Variants in LRRC49 observed in about 807,000 individuals in gnomAD.
LRRC49 encodes leucine rich repeat containing 49.
LRRC49 carries 50 observed loss-of-function variants against 83.3 expected under a neutral mutation model. The observed-to-expected ratio is 0.60, with a 90% CI of 0.48 to 0.76. The LOEUF (loss-of-function observed/expected upper bound fraction) is 0.76. Among genes scored for constraint, LRRC49 ranks in the 30% least tolerant of loss-of-function variants. The pLI, the probability that LRRC49 is intolerant of heterozygous loss-of-function variation, is 0.00. For missense variants in LRRC49, 704 were observed against 809.1 expected (o/e 0.87, Z 1.58); for synonymous variants, 286 against 283.3 (o/e 1.01, Z -0.10).
At chr15:70,882,595 C>T (rs2033291157) in intron 2 of LRRC49, 1 of 1,614,048 alleles carries the variant, frequency 6.2e-7, no homozygotes, top group Non-Finnish European at 8.5e-7. Context: ...ATTCCTCTGT[C>T]TGAGTAGTTG....
intron 8 of LRRC49, among the ~76,000 whole-genome samples, chr15:70,950,182 TACC>T (rs1318760039): frequency 6.6e-6 from 1 of 152,226 alleles, no homozygotes; most frequent in Non-Finnish European, 1.5e-5. Context: ...GGTGTATATG[TACC>T]ACATTTTCTT....
intron 9 of LRRC49, among the ~76,000 whole-genome samples, chr15:70,969,312 T>C (rs2036907867): frequency 6.6e-6 from 1 of 152,208 alleles, no homozygotes; most frequent in Non-Finnish European, 1.5e-5. Context: ...GCATTATTTC[T>C]GAGGGCTCTG....
chr15:71,038,065 G>A (rs2039579588), intron 15 of LRRC49, among the ~76,000 whole-genome samples: 1 of 152,098 alleles, frequency 6.6e-6, no homozygotes, highest in South Asian at 2.1e-4. Flanking sequence ...AGGGGCAAAA[G>A]AACAAGAAAG....
At chr15:71,016,470 C>T (rs1484839356) in intron 14 of LRRC49, among the ~76,000 whole-genome samples, 1 of 151,372 alleles carries the variant, frequency 6.6e-6, no homozygotes. Context: ...TAGAGAAATA[C>T]CAAAGTAAGG....
intron 13 of LRRC49, among the ~76,000 whole-genome samples, chr15:71,010,524 G>A (rs1202181617): frequency 6.6e-6 from 1 of 151,800 alleles, no homozygotes; most frequent in Non-Finnish European, 1.5e-5. Context: ...AAGAGAAAGT[G>A]AAAATAAGAG....
chr15:70,865,928 C>T (rs1248238909), intron 1 of LRRC49, among the ~76,000 whole-genome samples: 2 of 152,082 alleles, frequency 1.3e-5, no homozygotes, highest in East Asian at 3.9e-4. Context: ...TATTATGCAG[C>T]CACACTTGGT....
intron 1 of LRRC49, among the ~76,000 whole-genome samples, chr15:70,862,678 G>T (rs569183889): frequency 2.1e-4 from 32 of 151,146 alleles, no homozygotes; most frequent in African/African-American, 7.8e-4. Context: ...AGCTTTCAAA[G>T]CTCCCAAAAT....
rs34818331 is a variant in LRRC49, at chr15:70,942,033, A to ATGTGTGTG, written c.773+5245_773+5252dup. ...CTCCATTTTTATTACTGTAAAGGTT[A>ATGTGTGTG]TGTGTGTGTGTGTGTGTGTGTGTGT... On this transcript the variant is annotated intron_variant, in intron 8 of 15. Coordinates refer to ENST00000260382, the MANE Select transcript of LRRC49 (RefSeq NM_017691.5). Among the ~76,000 whole-genome samples the ATGTGTGTG allele has an allele frequency of 5.0e-3, 723 of 144,178 alleles. 6 individuals carry two copies. The highest frequency in any genetic ancestry group is 0.016 in the African/African-American group (604 of 38,774). 94.6% of individuals were successfully genotyped at this position (144,178 alleles called of 152,430 possible). A position where few individuals can be genotyped will look rare whatever the true frequency, so the allele number is the denominator to read the frequency against.
upstream of LRRC49, chr15:70,892,690 G>A (rs2033632576): frequency 6.9e-7 from 1 of 1,455,976 alleles, no homozygotes; most frequent in South Asian, 1.4e-5. Flanking sequence ...AAGTGGTGAC[G>A]CACTGGGCTC....
At chr15:71,020,425 A>G (rs2038958649) in intron 14 of LRRC49, among the ~76,000 whole-genome samples, 1 of 152,226 alleles carries the variant, frequency 6.6e-6, no homozygotes, top group Admixed American at 6.5e-5. Flanking sequence ...AGATAATGGC[A>G]AAAATTGTTC....
chr15:71,031,803 A>T (rs2039361234), intron 14 of LRRC49, among the ~76,000 whole-genome samples: 1 of 152,018 alleles, frequency 6.6e-6, no homozygotes, highest in Admixed American at 6.6e-5. Flanking sequence ...TCAGGGGAAA[A>T]CTGCCTACTA....
intron 14 of LRRC49, among the ~76,000 whole-genome samples, chr15:71,033,990 C>G (rs752298728): frequency 1.3e-5 from 2 of 152,026 alleles, no homozygotes; most frequent in African/African-American, 4.8e-5. Flanking sequence ...GATTTCATGA[C>G]GAAAACATCA....
chr15:70,979,467 T>G (rs575036498), intron 9 of LRRC49, among the ~76,000 whole-genome samples: 2 of 151,908 alleles, frequency 1.3e-5, no homozygotes, highest in Non-Finnish European at 2.9e-5. Flanking sequence ...TTTTTTTTTG[T>G]AGTTAGAACA....
intron 7 of LRRC49, among the ~76,000 whole-genome samples, chr15:70,935,885 A>G (rs1265501317): frequency 2.0e-5 from 3 of 152,016 alleles, no homozygotes; most frequent in African/African-American, 7.3e-5. Context: ...CCCTGTAGTA[A>G]CCTCGATTGG....
In LRRC49 at chr15:70,904,576, C is replaced by T. The variant is rs2034220927; in HGVS notation, c.321C>T (p.Ile107=). 6.2e-7 allele frequency: 1 copy of T among 1,613,372 alleles called. No individual in the cohort carries two copies. The highest frequency in any genetic ancestry group is 8.5e-7 in the Non-Finnish European group (1 of 1,179,426). Reference sequence around the variant, plus strand: ...GACAAAAGCTGACCGTATGTCCTATCATCAATGGGGAAGACCACCTTCGTT... The same window carrying T: ...GACAAAAGCTGACCGTATGTCCTATTATCAATGGGGAAGACCACCTTCGTT... The part of the protein sequence containing the change: ...LERQKLTVCP[I]INGEDHLRLL... The change falls in exon 5 of 16, where the codon ATC becomes ATT. Residue 107 remains isoleucine (I), a synonymous_variant. Coordinates refer to ENST00000260382, the MANE Select transcript of LRRC49 (RefSeq NM_017691.5).
intron 5 of LRRC49, chr15:70,908,128 T>C (rs2034396090): frequency 2.4e-6 from 1 of 412,036 alleles, no homozygotes; most frequent in South Asian, 1.7e-5. Flanking sequence ...TTTTTCTTCC[T>C]GTTCACCTGG....
chr15:71,007,179 T>C (rs970796099), intron 11 of LRRC49, among the ~76,000 whole-genome samples: 2 of 152,018 alleles, frequency 1.3e-5, no homozygotes, highest in Non-Finnish European at 2.9e-5. Context: ...CTGAAATAAG[T>C]ATGATAAACA....
In LRRC49 at chr15:70,894,498, A is replaced by C. The variant is rs1016450432; in HGVS notation, c.105+858A>C. 17 of 502,276 alleles carry C rather than the reference A, an allele frequency of 3.4e-5. No homozygotes were observed. The Admixed American group carries it at 6.4e-4, about 19-fold the overall frequency. The allele number at this position is 502,276 out of a possible 1,614,324, so 31.1% of individuals were successfully genotyped here. A position where few individuals can be genotyped will look rare whatever the true frequency, so the allele number is the denominator to read the frequency against. On this transcript the variant is annotated intron_variant, in intron 2 of 15. Transcript: ENST00000260382. The stretch of plus-strand genomic sequence containing the variant: ...CCCATAATGTCTCTAGCATTTCTAG[A>C]ATTTCTGGCTTTTGATTTAATTTTT...
In LRRC49 at chr15:71,052,927, G is replaced by C. The variant is rs1352617279; in HGVS notation, c.*3315G>C. ...CTGAGGAATAGCAAATAAAAGATGAGAATTTCTCAACTGTGTCTACATGTG... is the reference window on the plus strand; with the variant it reads ...CTGAGGAATAGCAAATAAAAGATGACAATTTCTCAACTGTGTCTACATGTG... On this transcript the variant is annotated 3_prime_UTR_variant, in exon 16 of 16. Coordinates refer to ENST00000260382, the MANE Select transcript of LRRC49 (RefSeq NM_017691.5). 6.6e-6 allele frequency: 1 copy of C among 152,172 alleles called. No homozygotes were observed. Among genetic ancestry groups the C allele is most frequent in the East Asian group, 1.9e-4 (1 of 5,190 alleles). 9.4% of individuals were successfully genotyped at this position (152,172 alleles called of 1,614,324 possible). A position where few individuals can be genotyped will look rare whatever the true frequency, so the allele number is the denominator to read the frequency against.
Sources: gnomAD v4.1 joint callset for allele counts (sites outside exome capture counted in the v4.1 genomes callset) on GRCh38, gnomAD v4.1.1 for gene constraint, MANE v1.5 for transcripts, NCBI Gene and HGNC (gene_info 2026-07-23, HGNC 2026-07-21) for gene names.